NFKB1: variants seen among roughly 807,000 people sequenced by gnomAD.
The protein encoded by NFKB1 is nuclear factor NF-kappa-B p105 subunit.
In NFKB1, 9 loss-of-function variants were observed where a neutral mutation model predicts 105.1. The observed-to-expected ratio is 0.09, with a 90% CI of 0.05 to 0.15. NFKB1 has a LOEUF of 0.15. NFKB1 is among the 10% of genes least tolerant of loss of function. The pLI is 1.00. For synonymous variants in NFKB1, 440 were observed against 442.2 expected, an observed-to-expected ratio of 1.00 and a Z score of 0.06; for missense variants, 830 against 1,203.7, an observed-to-expected ratio of 0.69 and a Z score of 4.59.
At chr4:102,561,273 T>TGTGTG (rs202190569) in intron 5 of NFKB1, among the ~76,000 whole-genome samples, 28 of 102,362 alleles carry the variant, frequency 2.7e-4, no homozygotes, top group African/African-American at 1.2e-3. Context: ...TCCTTTTTTT[T>TGTGTG]TTTTTTTTTG....
intron 8 of NFKB1, among the ~76,000 whole-genome samples, chr4:102,579,291 A>T (rs1220225568): frequency 6.6e-6 from 1 of 152,164 alleles, no homozygotes; most frequent in Non-Finnish European, 1.5e-5. Context: ...TTTACATGAA[A>T]TGTCACATCT....
At chr4:102,544,512 G>A (rs1331193210) in intron 5 of NFKB1, among the ~76,000 whole-genome samples, 1 of 152,090 alleles carries the variant, frequency 6.6e-6, no homozygotes, top group Non-Finnish European at 1.5e-5. Flanking sequence ...AAGAGAGAAG[G>A]CAATTCATTG....
chr4:102,526,862 C>A (rs1740947190), intron 2 of NFKB1, among the ~76,000 whole-genome samples: 1 of 151,974 alleles, frequency 6.6e-6, no homozygotes. Flanking sequence ...TTGGAATAAT[C>A]TAACAAATCT....
chr4:102,607,167 C>T lies in NFKB1; in HGVS notation c.1972C>T (p.Leu658=), dbSNP rs1271206542. 1.2e-6 allele frequency: 2 copies of T among 1,614,156 alleles called. No homozygotes were observed. ...GACTCTAGGTCTGAATGCCATTCAT[C>T]TAGCCATGATGAGCAATAGCCTGCC... is the stretch of plus-strand genomic sequence containing the variant. ...PNGDGLNAIH[L]AMMSNSLPCL... is the part of the protein sequence containing the mutation. The change falls in exon 18 of 24, where the codon CTA becomes TTA. Residue 658 remains leucine, a synonymous_variant. Transcript: ENST00000226574.
At chr4:102,546,013 G>A (rs1167088982) in intron 5 of NFKB1, among the ~76,000 whole-genome samples, 1 of 152,080 alleles carries the variant, frequency 6.6e-6, no homozygotes, top group African/African-American at 2.4e-5. Context: ...AACACTTTTG[G>A]GAGGCCAAGG....
chr4:102,563,729 C>T (rs1046332248), intron 5 of NFKB1, among the ~76,000 whole-genome samples: 4 of 152,062 alleles, frequency 2.6e-5, no homozygotes, highest in Non-Finnish European at 5.9e-5. Flanking sequence ...CTGGTTTGCG[C>T]CTAAAGTCCA....
At chr4:102,549,336 T>C (rs920042408) in intron 5 of NFKB1, among the ~76,000 whole-genome samples, 5 of 149,714 alleles carry the variant, frequency 3.3e-5, no homozygotes, top group Non-Finnish European at 7.4e-5. Flanking sequence ...ATGGTGTTGT[T>C]TTATATACAT....
At chr4:102,519,224 T>C (rs1195472154) in intron 1 of NFKB1, among the ~76,000 whole-genome samples, 2 of 149,246 alleles carry the variant, frequency 1.3e-5, no homozygotes, top group East Asian at 3.9e-4. Context: ...TTTTAAATTA[T>C]ATATATTATA....
intron 6 of NFKB1, among the ~76,000 whole-genome samples, chr4:102,570,652 A>G (rs909648168): frequency 6.6e-6 from 1 of 152,160 alleles, no homozygotes; most frequent in African/African-American, 2.4e-5. Context: ...CTACAAAATC[A>G]ATGTGCAAAA....
intron 7 of NFKB1, 117 bp from the exon 8 acceptor site, chr4:102,578,764 A>G (rs1441253509): frequency 8.3e-6 from 9 of 1,081,894 alleles, no homozygotes; most frequent in Admixed American, 2.7e-5. Flanking sequence ...GAAGAGTTTC[A>G]AAAGAGGAAA....
At chr4:102,595,675 C>T (rs1045904129) in intron 13 of NFKB1, among the ~76,000 whole-genome samples, 9 of 152,162 alleles carry the variant, frequency 5.9e-5, no homozygotes, top group African/African-American at 2.2e-4. Context: ...TAGATGCTCT[C>T]ATAGTATCTG....
At chr4:102,592,333 G>T (rs1726243047) in intron 11 of NFKB1, among the ~76,000 whole-genome samples, 1 of 152,172 alleles carries the variant, frequency 6.6e-6, no homozygotes. Context: ...AAACAGCATT[G>T]TATACTATAG....
chr4:102,545,344 T>C (rs1433431972), intron 5 of NFKB1, among the ~76,000 whole-genome samples: 1 of 152,078 alleles, frequency 6.6e-6, no homozygotes, highest in East Asian at 1.9e-4. Context: ...AGACAATGCT[T>C]TTTGCCTTTA....
intron 5 of NFKB1, among the ~76,000 whole-genome samples, chr4:102,565,627 G>C (rs1723801885): frequency 6.6e-6 from 1 of 151,978 alleles, no homozygotes; most frequent in African/African-American, 2.4e-5. Flanking sequence ...ATATCATTAG[G>C]ACTTCCATCA....
intron 1 of NFKB1, among the ~76,000 whole-genome samples, chr4:102,514,266 G>C (rs2149101108): frequency 6.6e-6 from 1 of 152,240 alleles, no homozygotes; most frequent in Non-Finnish European, 1.5e-5. Context: ...TTGATTGACA[G>C]TTTTGTTCCT....
intron 5 of NFKB1, among the ~76,000 whole-genome samples, chr4:102,558,659 A>AT (rs1340618541): frequency 6.6e-6 from 1 of 152,034 alleles, no homozygotes; most frequent in Non-Finnish European, 1.5e-5. Flanking sequence ...TTTTTATTCC[A>AT]TTTTTTTAAG....
chr4:102,600,191 G>C (rs1348737011), intron 15 of NFKB1, among the ~76,000 whole-genome samples: 1 of 152,180 alleles, frequency 6.6e-6, no homozygotes, highest in Admixed American at 6.5e-5. Context: ...TGTCAGGTTT[G>C]AACTGGAATA....
chr4:102,587,105 A>G (rs773945414), intron 11 of NFKB1, among the ~76,000 whole-genome samples: 7 of 152,290 alleles, frequency 4.6e-5, no homozygotes, highest in Non-Finnish European at 8.8e-5. Context: ...GTGTATGGAC[A>G]TGGTAGGCTT....
intron 1 of NFKB1, among the ~76,000 whole-genome samples, chr4:102,504,027 ATGAGAGG>A (rs1411201966): frequency 6.6e-6 from 1 of 152,190 alleles, no homozygotes; most frequent in Admixed American, 6.5e-5. Context: ...TACCTAATTT[ATGAGAGG>A]TATTTCTCTG....
Sources: gnomAD v4.1 joint callset for allele counts (sites outside exome capture counted in the v4.1 genomes callset) on GRCh38, gnomAD v4.1.1 for gene constraint, MANE v1.5 for transcripts, NCBI Gene and HGNC (gene_info 2026-07-23, HGNC 2026-07-21) for gene names.